Variants in RYR2 observed in about 807,000 individuals in gnomAD.
The protein encoded by RYR2 is cardiac muscle ryanodine receptor-calcium release channel.
Under a neutral mutation model 601.1 loss-of-function variants are expected in RYR2, and 227 were observed. That is an observed-to-expected ratio of 0.38 (90% CI 0.34 to 0.42). RYR2 has a LOEUF of 0.42. Ranked by LOEUF, RYR2 falls within the 10% of genes least tolerant of loss-of-function variation. The pLI is 1.00. For synonymous variants in RYR2, 2,223 were observed against 2,175.1 expected, an observed-to-expected ratio of 1.02 and a Z score of -0.61; for missense variants, 4,646 against 6,156.5, an observed-to-expected ratio of 0.75 and a Z score of 8.21.
chr1:237,550,329 A>G (rs529045664), intron 26 of RYR2, among the ~76,000 whole-genome samples: 33 of 152,154 alleles, frequency 2.2e-4, no homozygotes, highest in Non-Finnish European at 4.0e-4. Context: ...TTTCCTTCTC[A>G]TGGAGAGGGT....
At chr1:237,555,642 T>G (rs1269327514) in intron 27 of RYR2, among the ~76,000 whole-genome samples, 1 of 152,146 alleles carries the variant, frequency 6.6e-6, no homozygotes, top group Non-Finnish European at 1.5e-5. Context: ...TTACTCTACA[T>G]TTAGAAGGAA....
At chr1:237,370,122 T>C (rs1383114017) in intron 6 of RYR2, among the ~76,000 whole-genome samples, 2 of 151,984 alleles carry the variant, frequency 1.3e-5, no homozygotes, top group Admixed American at 1.3e-4. Context: ...CTTTGCCTCA[T>C]GTATATATGC....
intron 2 of RYR2, among the ~76,000 whole-genome samples, chr1:237,275,046 CTG>C (rs1169846143): frequency 6.6e-6 from 1 of 151,728 alleles, no homozygotes; most frequent in Non-Finnish European, 1.5e-5. Context: ...TGATGCATGT[CTG>C]TATATATATA....
chr1:237,205,271 C>T lies in RYR2; in HGVS notation c.49-65226C>T, dbSNP rs191931550. 2.2e-3 allele frequency among the ~76,000 whole-genome samples: 342 copies of T among 152,274 alleles called. 1 individual carries two copies. The highest frequency in any genetic ancestry group is 7.9e-3 in the African/African-American group (329 of 41,576). On this transcript the variant is annotated intron_variant, in intron 1 of 104. Coordinates refer to ENST00000366574, the MANE Select transcript of RYR2 (RefSeq NM_001035.3). ...GGAATACACCACAGGGTTCCGAGTGCTGAGTTGTGGCCCACAGGTGACTGG... is the reference window on the plus strand; with the variant it reads ...GGAATACACCACAGGGTTCCGAGTGTTGAGTTGTGGCCCACAGGTGACTGG...
intron 25 of RYR2, among the ~76,000 whole-genome samples, chr1:237,536,549 A>C (rs373566900): frequency 2.0e-5 from 3 of 151,578 alleles, no homozygotes; most frequent in Admixed American, 6.6e-5. Flanking sequence ...CCCGTCTCTA[A>C]TAAAAATACA....
At chr1:237,455,794 C>A (rs906636780) in intron 15 of RYR2, among the ~76,000 whole-genome samples, 1 of 152,142 alleles carries the variant, frequency 6.6e-6, no homozygotes, top group East Asian at 1.9e-4. Context: ...TCAACATAAA[C>A]CAATAATAAC....
At chr1:237,259,289 C>T (rs184731521) in intron 1 of RYR2, among the ~76,000 whole-genome samples, 6 of 152,162 alleles carry the variant, frequency 3.9e-5, no homozygotes, top group African/African-American at 1.4e-4. Context: ...GGGAGGATCA[C>T]CTGAAGTCAG....
At chr1:237,208,555 T>G (rs2149079757) in intron 1 of RYR2, among the ~76,000 whole-genome samples, 1 of 152,288 alleles carries the variant, frequency 6.6e-6, no homozygotes, top group African/African-American at 2.4e-5. Context: ...TCTTAAAAGT[T>G]TTATTTCTGC....
chr1:237,423,196 A>G lies in RYR2; in HGVS notation c.953A>G (p.Asp318Gly), dbSNP rs1268335647. ...LMEDKNLLLMDKEKADVKSTA... is the reference protein window; with the variant it reads ...LMEDKNLLLMGKEKADVKSTA... ...GAAGACAAAAACCTTCTACTCATGG[A>G]CAAAGAGAAAGCTGATGTAAAATCA... The change falls in exon 12 of 105, where the codon GAC becomes GGC. Residue 318 changes from aspartate (D) to glycine (G), a missense_variant. By Grantham distance (94) the Asp-to-Gly change is moderately conservative. Around this residue, in one of 17 missense-constraint regions of RYR2, gnomAD observed 1,807 missense variants for 2,088.1 expected, o/e 0.87. Transcript: ENST00000366574. 7 of 1,613,766 alleles carry G rather than the reference A, an allele frequency of 4.3e-6. No individual in the cohort carries two copies. The Admixed American group carries it at 8.3e-5, about 19-fold the overall frequency.
At chr1:237,542,056 G>GTCTT (rs1669331250) in intron 25 of RYR2, among the ~76,000 whole-genome samples, 1 of 142,712 alleles carries the variant, frequency 7.0e-6, no homozygotes, top group African/African-American at 2.6e-5. Context: ...ATACATTTTT[G>GTCTT]TCTTTATTTA....
rs1410630304 is a variant in RYR2, at chr1:237,795,863, TATATATATATACAC to T, written c.13956+548_13956+561del. Among the ~76,000 whole-genome samples, 217 of 144,132 alleles carry T rather than the reference TATATATATATACAC, an allele frequency of 1.5e-3. 1 individual carries two copies. Among genetic ancestry groups the T allele is most frequent in the South Asian group, 9.7e-3 (46 of 4,722 alleles). 94.6% of individuals were successfully genotyped at this position (144,132 alleles called of 152,430 possible). A position where few individuals can be genotyped will look rare whatever the true frequency, so the allele number is the denominator to read the frequency against. ...ATATATATATATGTATATGTATATATATATATATATACACATATATATATACACACATATATGGA... is the reference window on the plus strand; with the variant it reads ...ATATATATATATGTATATGTATATATATATATATATACACACATATATGGA... On this transcript the variant is annotated intron_variant, in intron 96 of 104. Transcript: ENST00000366574.
At chr1:237,475,665 A>G (rs6657818) in intron 17 of RYR2, among the ~76,000 whole-genome samples, 75,620 of 151,670 alleles carry the variant, frequency 0.5, 19,928 homozygotes, top group East Asian at 0.7. Context: ...TTTGTGGGAT[A>G]CGGTGTGATG....
intron 20 of RYR2, among the ~76,000 whole-genome samples, chr1:237,497,501 G>T (rs1664199971): frequency 6.6e-6 from 1 of 152,164 alleles, no homozygotes; most frequent in South Asian, 2.1e-4. Flanking sequence ...TCTGGATTCT[G>T]CAGACATAAG....
chr1:237,204,452 TC>T (rs1471243769), intron 1 of RYR2, among the ~76,000 whole-genome samples: 1 of 151,152 alleles, frequency 6.6e-6, no homozygotes, highest in East Asian at 1.9e-4. Flanking sequence ...TTTTTGACTG[TC>T]ATGAATAAAG....
At chr1:237,212,635 AT>A (rs1211184814) in intron 1 of RYR2, among the ~76,000 whole-genome samples, 1 of 152,152 alleles carries the variant, frequency 6.6e-6, no homozygotes, top group Non-Finnish European at 1.5e-5. Flanking sequence ...TAGAAACAAT[AT>A]TGTTAAATTA....
chr1:237,771,668 A>G (rs1694284025), intron 85 of RYR2, among the ~76,000 whole-genome samples: 2 of 152,108 alleles, frequency 1.3e-5, no homozygotes, highest in Non-Finnish European at 1.5e-5. Flanking sequence ...CTGAGGAACA[A>G]GTGATTAATG....
intron 35 of RYR2, among the ~76,000 whole-genome samples, chr1:237,608,042 T>TA (rs1483634411): frequency 6.6e-6 from 1 of 152,178 alleles, no homozygotes; most frequent in Non-Finnish European, 1.5e-5. Flanking sequence ...ACCATTGTGC[T>TA]AAAAAGAGCT....
chr1:237,439,363 G>A (rs1047797971), intron 12 of RYR2, among the ~76,000 whole-genome samples: 7 of 152,058 alleles, frequency 4.6e-5, no homozygotes, highest in African/African-American at 7.3e-5. Flanking sequence ...AACAGTCATC[G>A]GCCGGGAGCG....
chr1:237,784,700 C>G lies in RYR2; in HGVS notation c.12988C>G (p.Leu4330Val), dbSNP rs537952311. 1.2e-6 allele frequency: 2 copies of G among 1,609,198 alleles called. No individual in the cohort carries two copies. Among genetic ancestry groups the G allele is most frequent in the South Asian group, 2.2e-5 (2 of 90,760 alleles). Residue 4330 changes from leucine to valine, a missense_variant, in exon 90 of 105, where the codon CTG (leucine) becomes GTG (valine). Physicochemically the swap from Leu to Val is conservative, Grantham distance 32. Coordinates refer to ENST00000366574, the MANE Select transcript of RYR2 (RefSeq NM_001035.3). This position sits in a 1 kb window ranked among gnomAD's most constrained non-coding sequence, Gnocchi z 7.1. ...TGCTAAAAAGATCAAAGTTGCAGAACTGTTAGCCAACATGCCAGACCCCAC... is the reference window on the plus strand; with the variant it reads ...TGCTAAAAAGATCAAAGTTGCAGAAGTGTTAGCCAACATGCCAGACCCCAC... ...EGAKKIKVAELLANMPDPTQD... is the reference protein window; with the variant it reads ...EGAKKIKVAEVLANMPDPTQD...
Sources: gnomAD v4.1 joint callset for allele counts (sites outside exome capture counted in the v4.1 genomes callset) on GRCh38, gnomAD v4.1.1 for gene constraint, gnomAD v4.1.1 regional missense constraint, Gnocchi (gnomAD v3.1) non-coding constraint, MANE v1.5 for transcripts, NCBI Gene and HGNC (gene_info 2026-07-23, HGNC 2026-07-21) for gene names.